Variants in BIRC6 observed in about 807,000 individuals in gnomAD.
BIRC6 encodes the protein dual E2 ubiquitin-conjugating enzyme/E3 ubiquitin-protein ligase BIRC6.
Under a neutral mutation model 503.3 loss-of-function variants are expected in BIRC6, and 98 were observed. The ratio of observed to expected loss-of-function variants is 0.19; its 90% CI spans 0.17 to 0.23. The LOEUF (loss-of-function observed/expected upper bound fraction) is 0.23, where lower values mean the gene tolerates loss of function less well. Among genes scored for constraint, BIRC6 ranks in the 10% least tolerant of loss-of-function variants. The pLI is 1.00. For synonymous variants in BIRC6, 2,240 were observed against 2,078.7 expected, an observed-to-expected ratio of 1.08 and a Z score of -2.11; for missense variants, 5,360 against 5,806.0, an observed-to-expected ratio of 0.92 and a Z score of 2.50.
chr2:32,543,007 C>T (rs1310402926), intron 61 of BIRC6, among the ~76,000 whole-genome samples: 3 of 152,104 alleles, frequency 2.0e-5, no homozygotes, highest in East Asian at 1.9e-4. Context: ...ACCGTGTTGG[C>T]CAGGCTGGTC....
chr2:32,439,140 T>C (rs933707142), intron 15 of BIRC6, among the ~76,000 whole-genome samples: 10 of 152,254 alleles, frequency 6.6e-5, no homozygotes, highest in African/African-American at 2.2e-4. Flanking sequence ...GGATATACGT[T>C]CTGTTATTAT....
intron 51 of BIRC6, 174 bp from the exon 52 acceptor site, chr2:32,509,564 T>C (rs902455253): frequency 4.1e-5 from 30 of 729,172 alleles, no homozygotes; most frequent in Admixed American, 3.0e-4. Context: ...TGATTTATCT[T>C]ATAGGGGAAA....
intron 1 of BIRC6, among the ~76,000 whole-genome samples, chr2:32,376,747 C>CGTAT (rs2036845486): frequency 6.6e-6 from 1 of 151,976 alleles, no homozygotes; most frequent in African/African-American, 2.4e-5. Context: ...CTTATGCATA[C>CGTAT]CTGTAATAAA....
At chr2:32,375,500 A>T (rs1228075700) in intron 1 of BIRC6, among the ~76,000 whole-genome samples, 2 of 151,294 alleles carry the variant, frequency 1.3e-5, no homozygotes, top group Admixed American at 6.6e-5. Context: ...AACAAAAAAA[A>T]CCCCCAAAAA....
intron 11 of BIRC6, among the ~76,000 whole-genome samples, chr2:32,430,059 C>G (rs1480920364): frequency 6.6e-6 from 1 of 152,078 alleles, no homozygotes; most frequent in African/African-American, 2.4e-5. Context: ...TATTTACAAA[C>G]TAAGCAGATT....
intron 55 of BIRC6, 48 bp from the exon 56 acceptor site, chr2:32,518,206 C>G (rs768918178): frequency 6.6e-7 from 1 of 1,510,276 alleles, no homozygotes; most frequent in Non-Finnish European, 9.0e-7. Context: ...AAATAAAAAG[C>G]TGCATATAAA....
chr2:32,417,045 C>G (rs933991225), intron 10 of BIRC6, among the ~76,000 whole-genome samples: 1 of 151,980 alleles, frequency 6.6e-6, no homozygotes, highest in Non-Finnish European at 1.5e-5. Flanking sequence ...CCATGTTACC[C>G]AGGCTGGTCT....
chr2:32,410,994 C>G (rs753281296), intron 9 of BIRC6, among the ~76,000 whole-genome samples: 1 of 152,054 alleles, frequency 6.6e-6, no homozygotes, highest in African/African-American at 2.4e-5. Context: ...GCCACCGCGC[C>G]CAGCCTATTT....
chr2:32,531,603 T>G, intron 61 of BIRC6, 52 bp downstream of exon 61: 1 of 1,422,970 alleles, frequency 7.0e-7, no homozygotes, highest in South Asian at 1.4e-5. Flanking sequence ...AAGCCCTTCA[T>G]TCTTTTTAAT....
At chr2:32,374,635 G>T (rs1352534213) in intron 1 of BIRC6, among the ~76,000 whole-genome samples, 1 of 151,990 alleles carries the variant, frequency 6.6e-6, no homozygotes, top group Admixed American at 6.6e-5. Context: ...ACCACGCCCG[G>T]CTAATTTTTT....
Position 32,415,752 on chromosome 2 carries a change from A to G in BIRC6, c.2461A>G (p.Ser821Gly). Reference sequence around the variant, plus strand: ...AATTCAGCCTGAGCAGAGGAATGTTAGTGGTGGATATTTAGTGCTTTATAA... The same window carrying G: ...AATTCAGCCTGAGCAGAGGAATGTTGGTGGTGGATATTTAGTGCTTTATAA... The part of the protein sequence containing the change: ...LIIQPEQRNV[S>G]GGYLVLYKMN... Residue 821 changes from serine to glycine, a missense_variant, in exon 10 of 74, where the codon AGT becomes GGT. Physicochemically the swap from Ser to Gly is moderately conservative, Grantham distance 56 (BLOSUM62 0). Around this residue, in one of 16 missense-constraint regions of BIRC6, gnomAD observed 700 missense variants for 739.3 expected, o/e 0.95. Coordinates refer to ENST00000421745, the MANE Select transcript of BIRC6 (RefSeq NM_016252.4). 6.2e-7 allele frequency: 1 copy of G among 1,613,792 alleles called. No homozygotes were observed. The highest frequency in any genetic ancestry group is 8.5e-7 in the Non-Finnish European group (1 of 1,179,814).
intron 61 of BIRC6, among the ~76,000 whole-genome samples, chr2:32,533,979 T>C (rs2056988880): frequency 6.6e-6 from 1 of 152,190 alleles, no homozygotes; most frequent in African/African-American, 2.4e-5. Flanking sequence ...CTGGTTTTGG[T>C]GTCAGGATAC....
intron 10 of BIRC6, among the ~76,000 whole-genome samples, chr2:32,424,229 ATG>A (rs148083013): frequency 4.0e-5 from 6 of 151,274 alleles, no homozygotes; most frequent in Non-Finnish European, 5.9e-5. Context: ...AATTTATCAT[ATG>A]TGTGTGTGTA....
At chr2:32,411,331 G>T (rs550953848) in intron 9 of BIRC6, among the ~76,000 whole-genome samples, 2 of 151,362 alleles carry the variant, frequency 1.3e-5, no homozygotes, top group East Asian at 1.9e-4. Context: ...GAGCCTCCAC[G>T]CCCAGCCTTG....
chr2:32,516,923 T>C (rs908668199), intron 55 of BIRC6, among the ~76,000 whole-genome samples: 2 of 152,192 alleles, frequency 1.3e-5, no homozygotes, highest in Admixed American at 1.3e-4. Flanking sequence ...TAGACACTAG[T>C]AAATAACTTT....
intron 3 of BIRC6, among the ~76,000 whole-genome samples, chr2:32,384,282 C>T (rs550016523): frequency 2.6e-5 from 4 of 152,226 alleles, no homozygotes; most frequent in South Asian, 4.1e-4. Context: ...ATGTCTCTTT[C>T]GGTTAGCGTT....
rs757568953 is a variant in BIRC6 at position 32,508,233 on chromosome 2, A to C, written c.9954A>C (p.Pro3318=). ...CAACAGTTAATAATCCATTCCTTCC[A>C]TCTGAAGATCAGGTATCCAAAACAA... ...SSATVNNPFL[P]SEDQVSKTSI... The change falls in exon 51 of 74, where the codon CCA becomes CCC. Residue 3318 remains proline (P), a synonymous_variant. Transcript: ENST00000421745. The C allele has an allele frequency of 6.3e-7, 1 of 1,576,046 alleles. No homozygotes were observed. Among genetic ancestry groups the C allele is most frequent in the South Asian group, 1.1e-5 (1 of 89,442 alleles).
chr2:32,457,206 T>C (rs1452645402), intron 23 of BIRC6, among the ~76,000 whole-genome samples: 3 of 152,244 alleles, frequency 2.0e-5, no homozygotes, highest in Non-Finnish European at 4.4e-5. Context: ...TGTTTCCTTA[T>C]GTTTTAGATA....
chr2:32,608,366 G>C (rs12473941), intron 72 of BIRC6, among the ~76,000 whole-genome samples: 4 of 151,784 alleles, frequency 2.6e-5, no homozygotes, highest in African/African-American at 9.7e-5. Flanking sequence ...AAATTTTTGA[G>C]AAGTTTTTTT....
Sources: allele counts gnomAD v4.1 joint callset (sites outside exome capture counted in the v4.1 genomes callset), GRCh38; gene constraint gnomAD v4.1.1; regional missense constraint gnomAD v4.1.1; transcripts MANE v1.5; gene names NCBI Gene and HGNC (gene_info 2026-07-23, HGNC 2026-07-21).